SGCZ: variants seen among roughly 807,000 people sequenced by gnomAD.
The protein encoded by SGCZ is sarcoglycan zeta, also known as zeta-sarcoglycan.
In SGCZ, 40 loss-of-function variants were observed where a neutral mutation model predicts 41.3. That is an observed-to-expected ratio of 0.97 (90% confidence interval 0.75 to 1.26). The LOEUF is 1.26. Among genes scored for constraint, SGCZ ranks in the 50% most tolerant of loss-of-function variants. The pLI, the probability that SGCZ is intolerant of heterozygous loss-of-function variation, is 0.00. For synonymous variants in SGCZ, 206 were observed against 137.5 expected, an observed-to-expected ratio of 1.50 and a Z score of -3.49; for missense variants, 552 against 369.8, an observed-to-expected ratio of 1.49 and a Z score of -4.04.
At chr8:14,663,737 T>A (rs901521213) in intron 1 of SGCZ, among the ~76,000 whole-genome samples, 3 of 152,100 alleles carry the variant, frequency 2.0e-5, no homozygotes, top group Non-Finnish European at 2.9e-5. Context: ...TATCTTGGAG[T>A]AATTCTTATC....
chr8:14,448,024 C>A (rs534656552), intron 2 of SGCZ, among the ~76,000 whole-genome samples: 2 of 151,944 alleles, frequency 1.3e-5, no homozygotes, highest in South Asian at 4.2e-4. Context: ...AGTCTGAAAT[C>A]GGGGTGAAAA....
chr8:14,182,675 A>G (rs185469537), intron 4 of SGCZ, among the ~76,000 whole-genome samples: 45 of 152,316 alleles, frequency 3.0e-4, no homozygotes, highest in African/African-American at 9.6e-4. Flanking sequence ...AATTTGTTAG[A>G]TCAGTGATGA....
intron 4 of SGCZ, among the ~76,000 whole-genome samples, chr8:14,202,830 G>C (rs1344771666): frequency 1.3e-5 from 2 of 152,102 alleles, no homozygotes; most frequent in African/African-American, 2.4e-5. Context: ...AATATTTGTA[G>C]ATGATATGGA....
chr8:14,473,846 G>A (rs1801281549), intron 2 of SGCZ, among the ~76,000 whole-genome samples: 1 of 151,052 alleles, frequency 6.6e-6, no homozygotes, highest in African/African-American at 2.4e-5. Context: ...GCTGAGGCAG[G>A]AGAACGGTGT....
chr8:14,260,603 A>G (rs894862758), intron 3 of SGCZ, among the ~76,000 whole-genome samples: 1 of 149,186 alleles, frequency 6.7e-6, no homozygotes, highest in African/African-American at 2.5e-5. Context: ...CTGGGTATAT[A>G]CCCAAAGGAC....
intron 1 of SGCZ, among the ~76,000 whole-genome samples, chr8:14,965,555 C>G (rs1057258986): frequency 3.9e-5 from 6 of 152,078 alleles, no homozygotes; most frequent in African/African-American, 1.2e-4. Context: ...CCTTATGCAC[C>G]TAGCAAATAC....
chr8:14,312,383 C>G lies in SGCZ; in HGVS notation c.336+11720G>C, dbSNP rs113160308. 6.6e-5 allele frequency among the ~76,000 whole-genome samples: 10 copies of G among 152,064 alleles called. No individual in the cohort carries two copies. In the East Asian group the frequency reaches 1.2e-3, roughly 18 times the overall value. Reference sequence around the variant, plus strand: ...TCGTGACTTAGAGGATTCTATATAGCAGTAGTCAGCCCACGTACATGCAAA... The same window carrying G: ...TCGTGACTTAGAGGATTCTATATAGGAGTAGTCAGCCCACGTACATGCAAA... On this transcript the variant is annotated intron_variant, in intron 3 of 7. Transcript: ENST00000382080.
At chr8:14,592,825 G>T (rs781094228) in intron 1 of SGCZ, among the ~76,000 whole-genome samples, 14 of 152,144 alleles carry the variant, frequency 9.2e-5, no homozygotes, top group Non-Finnish European at 1.8e-4. Flanking sequence ...TCTTAGCAGT[G>T]TTCAGAGTTT....
chr8:14,204,267 C>T (rs1805547349), intron 4 of SGCZ, among the ~76,000 whole-genome samples: 1 of 138,594 alleles, frequency 7.2e-6, no homozygotes, highest in African/African-American at 2.8e-5. Context: ...GTTCTTCTCA[C>T]TTCACTCTGA....
At chr8:14,979,745 GT>G (rs1245508616) in intron 1 of SGCZ, among the ~76,000 whole-genome samples, 1 of 152,158 alleles carries the variant, frequency 6.6e-6, no homozygotes, top group Non-Finnish European at 1.5e-5. Context: ...TCCTAAATAT[GT>G]TAGACTGGTT....
intron 1 of SGCZ, among the ~76,000 whole-genome samples, chr8:15,034,613 G>A (rs1041295733): frequency 7.2e-5 from 11 of 152,054 alleles, no homozygotes; most frequent in African/African-American, 2.7e-4. Flanking sequence ...AAAGGTCAAA[G>A]GTCTCCATTC....
intron 1 of SGCZ, among the ~76,000 whole-genome samples, chr8:14,997,187 T>G (rs1802248253): frequency 1.3e-5 from 2 of 152,234 alleles, no homozygotes; most frequent in African/African-American, 4.8e-5. Flanking sequence ...TATCTAATTC[T>G]CAGTGTTATA....
At chr8:14,104,309 G>A (rs1488767179) in intron 6 of SGCZ, among the ~76,000 whole-genome samples, 1 of 152,038 alleles carries the variant, frequency 6.6e-6, no homozygotes, top group African/African-American at 2.4e-5. Context: ...TGGGATTATG[G>A]CAGAGAGAAG....
At chr8:14,174,115 C>T (rs147627750) in intron 4 of SGCZ, among the ~76,000 whole-genome samples, 28 of 152,086 alleles carry the variant, frequency 1.8e-4, no homozygotes, top group Non-Finnish European at 2.5e-4. Context: ...CAATCCAATA[C>T]AATTTTCATA....
chr8:14,867,186 G>T (rs938718606), intron 1 of SGCZ, among the ~76,000 whole-genome samples: 3 of 151,966 alleles, frequency 2.0e-5, no homozygotes, highest in African/African-American at 4.8e-5. Flanking sequence ...TGTTTCTAAA[G>T]CTTGTTTATG....
intron 2 of SGCZ, among the ~76,000 whole-genome samples, chr8:14,399,059 T>G (rs1798997921): frequency 6.6e-6 from 1 of 152,292 alleles, no homozygotes; most frequent in East Asian, 1.9e-4. Context: ...CTCTCAGGCC[T>G]GTTAAGTTCA....
intron 1 of SGCZ, among the ~76,000 whole-genome samples, chr8:14,650,937 A>G (rs1429262073): frequency 6.6e-6 from 1 of 152,094 alleles, no homozygotes; most frequent in Non-Finnish European, 1.5e-5. Context: ...AGAATCTAGA[A>G]CAAATGACTA....
At chr8:14,488,610 C>T (rs1445481613) in intron 2 of SGCZ, among the ~76,000 whole-genome samples, 1 of 144,030 alleles carries the variant, frequency 6.9e-6, no homozygotes, top group East Asian at 2.0e-4. Flanking sequence ...AGACAGTGCC[C>T]CAATCTTTCC....
At chr8:14,186,149 G>A (rs897157952) in intron 4 of SGCZ, among the ~76,000 whole-genome samples, 5 of 152,152 alleles carry the variant, frequency 3.3e-5, no homozygotes, top group East Asian at 1.9e-4. Flanking sequence ...TTCCTTTTCT[G>A]TAATGACAAT....
Sources: allele counts gnomAD v4.1 joint callset (sites outside exome capture counted in the v4.1 genomes callset), GRCh38; gene constraint gnomAD v4.1.1; transcripts MANE v1.5; gene names NCBI Gene and HGNC (gene_info 2026-07-23, HGNC 2026-07-21).